KIF26B: variants seen among roughly 807,000 people sequenced by gnomAD.
KIF26B encodes the protein kinesin-like protein KIF26B.
Under a neutral mutation model 151.2 loss-of-function variants are expected in KIF26B, and 63 were observed. The ratio of observed to expected loss-of-function variants is 0.42; its 90% CI spans 0.34 to 0.51. The LOEUF is 0.51. KIF26B is among the 20% of genes least tolerant of loss of function. KIF26B has a pLI of 0.07. For synonymous variants in KIF26B, 1,357 were observed against 1,262.1 expected (o/e 1.08, Z -1.59); for missense variants, 2,813 against 2,913.6 (o/e 0.97, Z 0.79).
At chr1:245,288,175 A>G (rs1671199619) in intron 2 of KIF26B, among the ~76,000 whole-genome samples, 1 of 152,024 alleles carries the variant, frequency 6.6e-6, no homozygotes. Flanking sequence ...CTGAATACTT[A>G]TCTCCCACCT....
At chr1:245,171,706 A>G (rs1668712442) in intron 2 of KIF26B, among the ~76,000 whole-genome samples, 1 of 152,216 alleles carries the variant, frequency 6.6e-6, no homozygotes, top group Non-Finnish European at 1.5e-5. Flanking sequence ...GCATAGAGGG[A>G]ACCTACAGGG....
intron 5 of KIF26B, among the ~76,000 whole-genome samples, chr1:245,592,157 C>T (rs530810943): frequency 6.6e-6 from 1 of 152,322 alleles, no homozygotes; most frequent in African/African-American, 2.4e-5. Flanking sequence ...TTTCCCGGCC[C>T]GGTTTTTAAT....
chr1:245,544,127 A>G (rs1472734304), intron 5 of KIF26B, among the ~76,000 whole-genome samples: 11 of 152,138 alleles, frequency 7.2e-5, no homozygotes, highest in Non-Finnish European at 1.0e-4. Flanking sequence ...ACCTCCACGG[A>G]TATCTCACCA....
chr1:245,446,704 TA>T (rs1659257656), intron 4 of KIF26B, among the ~76,000 whole-genome samples: 1 of 152,192 alleles, frequency 6.6e-6, no homozygotes, highest in African/African-American at 2.4e-5. Context: ...GTAGGGCAGT[TA>T]ACTCTTATGT....
At chr1:245,570,068 T>C (rs997905559) in intron 5 of KIF26B, among the ~76,000 whole-genome samples, 3 of 150,142 alleles carry the variant, frequency 2.0e-5, no homozygotes, top group Non-Finnish European at 3.0e-5. Context: ...CCGGAGTAGC[T>C]GGGACTACAG....
intron 9 of KIF26B, among the ~76,000 whole-genome samples, chr1:245,641,273 T>A (rs1391553701): frequency 1.3e-5 from 2 of 152,204 alleles, no homozygotes; most frequent in East Asian, 3.8e-4. Flanking sequence ...CTCTTTGCCT[T>A]TGACCTTTGT....
rs143240281 is a variant in KIF26B, at chr1:245,362,853, G to T, written c.466-3981G>T. ...TGGTATATATTCCTGAAAGATAAGAGTGTTCTAAGTATCGAATCCTTACAC... is the reference window on the plus strand; with the variant it reads ...TGGTATATATTCCTGAAAGATAAGATTGTTCTAAGTATCGAATCCTTACAC... On this transcript the variant is annotated intron_variant, in intron 2 of 14. Coordinates refer to ENST00000407071, the MANE Select transcript of KIF26B (RefSeq NM_018012.4). Among the ~76,000 whole-genome samples, 4 of 152,274 alleles carry T rather than the reference G, an allele frequency of 2.6e-5. No homozygotes were observed. In the East Asian group the frequency reaches 7.7e-4, roughly 29 times the overall value.
At chr1:245,339,730 A>T (rs937333781) in intron 2 of KIF26B, among the ~76,000 whole-genome samples, 5 of 152,208 alleles carry the variant, frequency 3.3e-5, no homozygotes, top group Admixed American at 6.5e-5. Flanking sequence ...CATTTTGAAG[A>T]ATTCTGTGTG....
At chr1:245,440,358 C>T (rs1238753738) in intron 4 of KIF26B, among the ~76,000 whole-genome samples, 1 of 152,138 alleles carries the variant, frequency 6.6e-6, no homozygotes. Flanking sequence ...AGCTAGGGTG[C>T]AATCTGAGTA....
intron 2 of KIF26B, among the ~76,000 whole-genome samples, chr1:245,342,806 G>C (rs1320045409): frequency 2.0e-5 from 3 of 152,158 alleles, no homozygotes; most frequent in Non-Finnish European, 4.4e-5. Flanking sequence ...AGATTAATGT[G>C]CCAGGCGCCG....
At position 245,706,743 on chromosome 1, in the gene KIF26B, G is replaced by C. The variant is rs1451395984; in HGVS notation, c.*4137G>C. ...GGCCTCCATGCTGCCGCCGGGGTAT[G>C]TGGCCCAGCTGTCCCCCCATGAAGG... On this transcript the variant is annotated 3_prime_UTR_variant, in exon 15 of 15. Coordinates refer to ENST00000407071, the MANE Select transcript of KIF26B (RefSeq NM_018012.4). 6.6e-6 allele frequency: 1 copy of C among 152,234 alleles called. No individual in the cohort carries two copies. The highest frequency in any genetic ancestry group is 1.9e-4 in the East Asian group (1 of 5,192). 9.4% of individuals were successfully genotyped at this position (152,234 alleles called of 1,614,324 possible).
chr1:245,404,975 C>T (rs1040632679), intron 3 of KIF26B, among the ~76,000 whole-genome samples: 4 of 152,190 alleles, frequency 2.6e-5, no homozygotes, highest in African/African-American at 4.8e-5. Flanking sequence ...TACTACACTT[C>T]TTAAAGCATT....
At chr1:245,400,830 T>C (rs572844161) in intron 3 of KIF26B, among the ~76,000 whole-genome samples, 1 of 152,308 alleles carries the variant, frequency 6.6e-6, no homozygotes, top group East Asian at 1.9e-4. Flanking sequence ...AAATTCCATA[T>C]GTGGTTTGCA....
At chr1:245,653,189 C>T (rs895237769) in intron 10 of KIF26B, among the ~76,000 whole-genome samples, 1 of 152,134 alleles carries the variant, frequency 6.6e-6, no homozygotes, top group Non-Finnish European at 1.5e-5. Context: ...CCCAGGCTCA[C>T]GTTCACCAGC....
chr1:245,416,732 C>T (rs902102957), intron 3 of KIF26B, among the ~76,000 whole-genome samples: 1 of 152,098 alleles, frequency 6.6e-6, no homozygotes, highest in Non-Finnish European at 1.5e-5. Context: ...GCAGAAGGAG[C>T]AGGAGGTGTG....
At chr1:245,199,531 T>G (rs1053691696) in intron 2 of KIF26B, among the ~76,000 whole-genome samples, 5 of 151,218 alleles carry the variant, frequency 3.3e-5, no homozygotes, top group Admixed American at 1.3e-4. Context: ...CAGGCTGGAG[T>G]GCAGTGGTGT....
intron 3 of KIF26B, among the ~76,000 whole-genome samples, chr1:245,404,431 G>A (rs1674084267): frequency 6.6e-6 from 1 of 152,124 alleles, no homozygotes; most frequent in Admixed American, 6.5e-5. Context: ...TCCCTGAGGT[G>A]TCAGGGAATG....
chr1:245,579,573 G>A (rs1056042942), intron 5 of KIF26B, among the ~76,000 whole-genome samples: 9 of 152,238 alleles, frequency 5.9e-5, no homozygotes, highest in African/African-American at 2.2e-4. Context: ...ACTTTGGGAG[G>A]CTGAGGCGGG....
intron 2 of KIF26B, among the ~76,000 whole-genome samples, chr1:245,297,009 A>G (rs1204911194): frequency 1.3e-5 from 2 of 152,256 alleles, no homozygotes; most frequent in East Asian, 1.9e-4. Context: ...CTGTGTTAAT[A>G]TAAATTGTCA....
Sources: allele counts gnomAD v4.1 joint callset (sites outside exome capture counted in the v4.1 genomes callset), GRCh38; gene constraint gnomAD v4.1.1; transcripts MANE v1.5; gene names NCBI Gene and HGNC (gene_info 2026-07-23, HGNC 2026-07-21).